POR: variants seen among roughly 807,000 people sequenced by gnomAD.
The protein encoded by POR is cytochrome p450 oxidoreductase.
POR carries 56 observed loss-of-function variants against 84.0 expected under a neutral mutation model. That is an observed-to-expected ratio of 0.67 (90% CI 0.54 to 0.83). The LOEUF is 0.83. POR is among the 40% of genes least tolerant of loss of function. POR has a pLI of 0.00. For synonymous variants in POR, 414 were observed against 400.5 expected, an observed-to-expected ratio of 1.03 and a Z score of -0.40; for missense variants, 938 against 944.3, an observed-to-expected ratio of 0.99 and a Z score of 0.09.
At chr7:75,983,134 A>C (rs1789159984) in intron 8 of POR, among the ~76,000 whole-genome samples, 1 of 152,196 alleles carries the variant, frequency 6.6e-6, no homozygotes, top group Non-Finnish European at 1.5e-5. Context: ...TGAGGTCAGG[A>C]GTTCAAGACC....
intron 3 of POR, among the ~76,000 whole-genome samples, chr7:75,979,010 T>G (rs1354693152): frequency 2.0e-5 from 3 of 151,828 alleles, no homozygotes; most frequent in African/African-American, 7.3e-5. Flanking sequence ...TTGGTCAGGC[T>G]GGTCTTGAAC....
intron 2 of POR, among the ~76,000 whole-genome samples, chr7:75,959,822 A>T (rs1318684906): frequency 5.9e-5 from 9 of 152,222 alleles, no homozygotes; most frequent in African/African-American, 1.9e-4. Flanking sequence ...CTGTATATTA[A>T]TATGGGAAGA....
chr7:75,976,466 C>T lies in POR; in HGVS notation c.238-2985C>T, dbSNP rs935139688. ...TAAAAAAAAAAAAAATCCTTTTGGC[C>T]GGGTGCAGTGGCTCATGTCTGTAAT... On this transcript the variant is annotated intron_variant, in intron 3 of 15. Transcript: ENST00000461988. 3.4e-5 allele frequency among the ~76,000 whole-genome samples: 5 copies of T among 147,788 alleles called. No homozygotes were observed. The South Asian group carries it at 6.4e-4, about 19-fold the overall frequency.
chr7:75,980,234 C>T, intron 4 of POR, 105 bp from the exon 5 acceptor site: 1 of 1,373,886 alleles, frequency 7.3e-7, no homozygotes. Context: ...ACATCCCTGG[C>T]CTGGTGCCAC....
chr7:75,986,781 C>G lies in POR; in HGVS notation c.*300C>G, dbSNP rs112507039. 14 of 581,080 alleles carry G rather than the reference C, an allele frequency of 2.4e-5. No individual in the cohort carries two copies. The highest frequency in any genetic ancestry group is 7.4e-5 in the African/African-American group (4 of 53,808). The allele number at this position is 581,080 out of a possible 1,614,324, so 36.0% of individuals were successfully genotyped here. A position where few individuals can be genotyped will look rare whatever the true frequency, so the allele number is the denominator to read the frequency against. ...CTCTCTGCTGAGCTGGGCCCAGCCC[C>G]TCCACGTGATTTCCAGTGAGTGTAA... On this transcript the variant is annotated 3_prime_UTR_variant, in exon 16 of 16. Transcript: ENST00000461988.
chr7:75,966,958 TG>T (rs1554555352), intron 2 of POR, among the ~76,000 whole-genome samples: 1 of 152,150 alleles, frequency 6.6e-6, no homozygotes, highest in East Asian at 1.9e-4. Flanking sequence ...GCTGGAGCCT[TG>T]GGCTTTCTGG....
At chr7:75,923,961 C>G (rs1402327667) in intron 1 of POR, among the ~76,000 whole-genome samples, 2 of 152,028 alleles carry the variant, frequency 1.3e-5, no homozygotes, top group East Asian at 3.8e-4. Flanking sequence ...AGTCCAGTTC[C>G]AAGGAAAAAT....
At chr7:75,920,220 C>G (rs1473984249) in intron 1 of POR, among the ~76,000 whole-genome samples, 1 of 151,934 alleles carries the variant, frequency 6.6e-6, no homozygotes, top group Non-Finnish European at 1.5e-5. Flanking sequence ...CGCGTGCCAT[C>G]ACGCCCGGCT....
At chr7:75,944,111 G>A (rs1021966192) in intron 1 of POR, among the ~76,000 whole-genome samples, 5 of 152,142 alleles carry the variant, frequency 3.3e-5, no homozygotes, top group Non-Finnish European at 5.9e-5. Flanking sequence ...GAGATCATGT[G>A]CTGTCTTCCC....
chr7:75,940,155 C>T (rs1329566577), intron 1 of POR, among the ~76,000 whole-genome samples: 6 of 152,140 alleles, frequency 3.9e-5, no homozygotes, highest in African/African-American at 1.4e-4. Context: ...GTCATCTTGG[C>T]TCACTGCAGC....
At position 75,972,384 on chromosome 7, in the gene POR, C is replaced by T. The variant is rs781997406; in HGVS notation, c.189-29C>T. 149 of 1,600,746 alleles carry T rather than the reference C, an allele frequency of 9.3e-5. 3 individuals carry two copies. In the Middle Eastern group the frequency reaches 4.6e-3, roughly 50 times the overall value. On this transcript the variant is annotated intron_variant, in intron 2 of 15. Transcript: ENST00000461988. ...CCTGTGTCCCATGACACCTGCCTCC[C>T]ACGCTCATTGCACACTTTTGTCTTG...
chr7:75,931,451 C>G (rs1432932549), intron 1 of POR, among the ~76,000 whole-genome samples: 3 of 151,992 alleles, frequency 2.0e-5, no homozygotes, highest in African/African-American at 7.3e-5. Flanking sequence ...ACTGCAACCT[C>G]CACCTCCCAG....
intron 1 of POR, among the ~76,000 whole-genome samples, chr7:75,952,522 A>G (rs1787486614): frequency 6.6e-6 from 1 of 150,982 alleles, no homozygotes; most frequent in Admixed American, 6.6e-5. Flanking sequence ...CTCACTTCCC[A>G]GATGGGGTGG....
intron 1 of POR, among the ~76,000 whole-genome samples, chr7:75,944,992 T>C (rs934974903): frequency 3.3e-5 from 5 of 152,072 alleles, no homozygotes; most frequent in African/African-American, 1.2e-4. Context: ...AAAAGTTATT[T>C]AAAAAATAAT....
chr7:75,952,389 A>T (rs1787477136), intron 1 of POR, among the ~76,000 whole-genome samples: 1 of 132,578 alleles, frequency 7.5e-6, no homozygotes, highest in African/African-American at 3.0e-5. Context: ...CACCTCCCGG[A>T]CGGGGCAGCT....
intron 1 of POR, among the ~76,000 whole-genome samples, chr7:75,934,437 A>C (rs1364879520): frequency 6.6e-6 from 1 of 152,184 alleles, no homozygotes; most frequent in Non-Finnish European, 1.5e-5. Flanking sequence ...GCGGAATGTA[A>C]GTTTGGAAAA....
At chr7:75,985,443 G>A in intron 12 of POR, 136 bp from the exon 13 acceptor site, 1 of 1,201,596 alleles carries the variant, frequency 8.3e-7, no homozygotes, top group Non-Finnish European at 1.1e-6. Context: ...CTGGGGAGGG[G>A]GCCTCTGAGG....
chr7:75,943,748 G>T, intron 1 of POR: 1 of 401,892 alleles, frequency 2.5e-6, no homozygotes, highest in East Asian at 6.8e-5. Flanking sequence ...GAAAAGTATT[G>T]GTAACGTCTT....
chr7:75,931,282 G>A (rs1807404361), intron 1 of POR, among the ~76,000 whole-genome samples: 1 of 152,166 alleles, frequency 6.6e-6, no homozygotes. Flanking sequence ...GATGGACCTT[G>A]AAGACATTAT....
Sources: allele counts gnomAD v4.1 joint callset (sites outside exome capture counted in the v4.1 genomes callset), GRCh38; gene constraint gnomAD v4.1.1; transcripts MANE v1.5; gene names NCBI Gene and HGNC (gene_info 2026-07-23, HGNC 2026-07-21).